CLASP2: variants seen among roughly 807,000 people sequenced by gnomAD.
The protein encoded by CLASP2 is CLIP-associating protein 2.
A neutral mutation model predicts 194.4 loss-of-function variants in CLASP2; 47 were observed. The ratio of observed to expected loss-of-function variants is 0.24; its 90% confidence interval spans 0.19 to 0.31. The LOEUF (loss-of-function observed/expected upper bound fraction) is 0.31, where lower values mean the gene tolerates loss of function less well. CLASP2 is among the 10% of genes least tolerant of loss of function. The probability of loss-of-function intolerance (pLI) is 1.00; values close to 1 mark genes in which losing one functional copy is unlikely to be tolerated. For missense variants in CLASP2, 1,445 were observed against 1,823.6 expected, an observed-to-expected ratio of 0.79 and a Z score of 3.78; for synonymous variants, 619 against 633.5, an observed-to-expected ratio of 0.98 and a Z score of 0.34.
intron 6 of CLASP2, among the ~76,000 whole-genome samples, chr3:33,683,964 C>T (rs1212975262): frequency 6.7e-6 from 1 of 148,842 alleles, no homozygotes; most frequent in Non-Finnish European, 1.5e-5. Context: ...TTAAAATAGG[C>T]CAGGTGCAGT....
intron 5 of CLASP2, among the ~76,000 whole-genome samples, chr3:33,685,441 T>C (rs1026448762): frequency 3.3e-5 from 5 of 151,902 alleles, no homozygotes; most frequent in Non-Finnish European, 7.4e-5. Context: ...ACGGTTAATG[T>C]ATTTTCCTGT....
intron 1 of CLASP2, among the ~76,000 whole-genome samples, chr3:33,703,976 A>G (rs1295549176): frequency 6.6e-6 from 1 of 152,254 alleles, no homozygotes; most frequent in Non-Finnish European, 1.5e-5. Context: ...ATTAAGTGAA[A>G]GAAGTTAGCC....
At chr3:33,577,555 T>C (rs2065160973) in intron 23 of CLASP2, among the ~76,000 whole-genome samples, 1 of 151,796 alleles carries the variant, frequency 6.6e-6, no homozygotes, top group African/African-American at 2.4e-5. Flanking sequence ...AACATTATAG[T>C]GTAAAAAAAA....
intron 2 of CLASP2, among the ~76,000 whole-genome samples, chr3:33,692,923 T>C (rs1452635389): frequency 6.6e-6 from 1 of 152,058 alleles, no homozygotes; most frequent in Non-Finnish European, 1.5e-5. Context: ...TGCAAACCAT[T>C]CTAAAAAAGT....
chr3:33,503,330 T>C (rs1326119102), intron 37 of CLASP2: 2 of 152,206 alleles, frequency 1.3e-5, no homozygotes, highest in African/African-American at 2.4e-5. Context: ...AACATTCATG[T>C]ATAACTATTT....
At chr3:33,712,307 G>A (rs990457500) in intron 1 of CLASP2, among the ~76,000 whole-genome samples, 2 of 152,106 alleles carry the variant, frequency 1.3e-5, no homozygotes, top group African/African-American at 4.8e-5. Flanking sequence ...TAAGCTATAA[G>A]GAATCAAAGG....
At chr3:33,610,928 G>A (rs1394254990) in intron 13 of CLASP2, among the ~76,000 whole-genome samples, 1 of 152,186 alleles carries the variant, frequency 6.6e-6, no homozygotes, top group African/African-American at 2.4e-5. Flanking sequence ...AAAAGGCAGA[G>A]TTCTTTACAA....
intron 29 of CLASP2, 86 bp downstream of exon 29, chr3:33,559,221 T>C (rs1336314358): frequency 2.2e-6 from 2 of 909,038 alleles, no homozygotes; most frequent in Non-Finnish European, 3.5e-6. Flanking sequence ...CAGCTTCTCA[T>C]GTGACAGAAA....
chr3:33,682,972 A>AT (rs1405343577), intron 6 of CLASP2: 1 of 152,178 alleles, frequency 6.6e-6, no homozygotes, highest in Non-Finnish European at 1.5e-5. Flanking sequence ...GCTGTATAAC[A>AT]TTTTGCAATT....
Position 33,498,435 on chromosome 3 carries a change from A to G in CLASP2, c.*196T>C. ...AATACTGCTTCTTCTTGAATTTGGA[A>G]TAACTATCATAAAAGTTACATGCAG... On this transcript the variant is annotated 3_prime_UTR_variant, in exon 39 of 39. Transcript: ENST00000682230. 2.2e-6 allele frequency: 1 copy of G among 446,264 alleles called. No homozygotes were observed. Among genetic ancestry groups the G allele is most frequent in the Admixed American group, 3.8e-5 (1 of 26,056 alleles). 27.6% of individuals were successfully genotyped at this position (446,264 alleles called of 1,614,324 possible).
intron 6 of CLASP2, among the ~76,000 whole-genome samples, chr3:33,679,234 A>T (rs1001598574): frequency 2.0e-5 from 3 of 152,192 alleles, no homozygotes; most frequent in Non-Finnish European, 2.9e-5. Context: ...CCAAAAATTA[A>T]TTCAAATGGA....
At chr3:33,575,483 T>C (rs928652831) in intron 24 of CLASP2, among the ~76,000 whole-genome samples, 3 of 152,148 alleles carry the variant, frequency 2.0e-5, no homozygotes, top group African/African-American at 7.2e-5. Flanking sequence ...TTCTCAAACA[T>C]AGGATTAATA....
Position 33,498,071 on chromosome 3 carries a change from A to G in CLASP2, c.*560T>C, listed in dbSNP as rs1334229678. ...GTTTTCAAACTATAGATCACCCCAAAGAAGTTGCAACTAATGACATGTATC... is the reference window on the plus strand; with the variant it reads ...GTTTTCAAACTATAGATCACCCCAAGGAAGTTGCAACTAATGACATGTATC... On this transcript the variant is annotated 3_prime_UTR_variant, in exon 39 of 39. Transcript: ENST00000682230. The G allele has an allele frequency of 6.5e-6, 1 of 152,702 alleles. No homozygotes were observed. Among genetic ancestry groups the G allele is most frequent in the Non-Finnish European group, 1.5e-5 (1 of 68,078 alleles). 9.5% of individuals were successfully genotyped at this position (152,702 alleles called of 1,614,324 possible).
chr3:33,688,679 AAGAAAC>A (rs1211206018), intron 3 of CLASP2, among the ~76,000 whole-genome samples: 1 of 152,240 alleles, frequency 6.6e-6, no homozygotes, highest in Non-Finnish European at 1.5e-5. Context: ...TTCTATAATT[AAGAAAC>A]CTTCAATAAC....
At chr3:33,667,454 C>T (rs1268522265) in intron 6 of CLASP2, among the ~76,000 whole-genome samples, 1 of 144,282 alleles carries the variant, frequency 6.9e-6, no homozygotes. Context: ...AGTATTTACT[C>T]CCATAATATG....
chr3:33,568,887 C>T (rs961938806), intron 26 of CLASP2, among the ~76,000 whole-genome samples: 1 of 152,064 alleles, frequency 6.6e-6, no homozygotes, highest in Admixed American at 6.6e-5. Context: ...TAAAAAATAT[C>T]AGAATACAAT....
At chr3:33,547,996 TCTCTTCTGGG>T (rs1173025739) in intron 30 of CLASP2, among the ~76,000 whole-genome samples, 1 of 151,812 alleles carries the variant, frequency 6.6e-6, no homozygotes, top group Non-Finnish European at 1.5e-5. Flanking sequence ...CCCAGGCTGG[TCTCTTCTGGG>T]CTCAGGCAAT....
chr3:33,696,751 ATTTT>A (rs1158949422), intron 2 of CLASP2, 100 bp downstream of exon 2: 2 of 846,846 alleles, frequency 2.4e-6, no homozygotes, highest in South Asian at 3.1e-5. Flanking sequence ...CAGAAATTAC[ATTTT>A]TTTAATTTAC....
chr3:33,641,485 CT>C (rs1470788410), intron 8 of CLASP2, among the ~76,000 whole-genome samples: 1 of 151,428 alleles, frequency 6.6e-6, no homozygotes, highest in Non-Finnish European at 1.5e-5. Flanking sequence ...TAGCCATAGC[CT>C]TTTTTTCAAG....
Sources: allele counts gnomAD v4.1 joint callset (sites outside exome capture counted in the v4.1 genomes callset), GRCh38; gene constraint gnomAD v4.1.1; transcripts MANE v1.5; gene names NCBI Gene and HGNC (gene_info 2026-07-23, HGNC 2026-07-21).